Variants in USP10 observed in about 807,000 individuals in gnomAD.
USP10 encodes the protein ubiquitin specific peptidase 10, also known as ubiquitin carboxyl-terminal hydrolase 10.
In USP10, 22 loss-of-function variants were observed where a neutral mutation model predicts 84.5. That is an observed-to-expected ratio of 0.26 (90% CI 0.19 to 0.37). The LOEUF is 0.37. Among genes scored for constraint, USP10 ranks in the 10% least tolerant of loss-of-function variants. The pLI is 1.00. For missense variants in USP10, 1,019 were observed against 998.9 expected (o/e 1.02, Z -0.27); for synonymous variants, 454 against 387.6 (o/e 1.17, Z -2.01).
At chr16:84,750,259 T>C (rs2150832307) in intron 4 of USP10, among the ~76,000 whole-genome samples, 1 of 151,860 alleles carries the variant, frequency 6.6e-6, no homozygotes, top group South Asian at 2.1e-4. Context: ...AATAAAAAAA[T>C]TAGATGGACG....
chr16:84,713,200 T>C (rs73243927), intron 1 of USP10, among the ~76,000 whole-genome samples: 2,669 of 152,302 alleles, frequency 0.018, 82 homozygotes, highest in African/African-American at 0.061. Flanking sequence ...CCACTAGTTA[T>C]TTATTGAACT....
chr16:84,775,096 T>G, intron 12 of USP10, 64 bp from the exon 13 acceptor site: 1 of 1,443,244 alleles, frequency 6.9e-7, no homozygotes. Flanking sequence ...GTTAGCCATT[T>G]TCTGCTGCTG....
chr16:84,776,723 GCA>G (rs952766641), intron 13 of USP10, among the ~76,000 whole-genome samples: 3 of 152,208 alleles, frequency 2.0e-5, no homozygotes, highest in African/African-American at 2.4e-5. Flanking sequence ...CCCAGTGTGA[GCA>G]CACACACCCC....
intron 2 of USP10, among the ~76,000 whole-genome samples, chr16:84,736,175 C>T (rs1045548302): frequency 6.6e-6 from 1 of 152,228 alleles, no homozygotes; most frequent in Admixed American, 6.5e-5. Context: ...CTCAAACATG[C>T]AGTGTTTCTA....
intron 1 of USP10, among the ~76,000 whole-genome samples, chr16:84,706,631 C>T (rs1905556226): frequency 1.3e-5 from 2 of 151,658 alleles, no homozygotes; most frequent in South Asian, 2.1e-4. Flanking sequence ...AGCTCCGCCT[C>T]CCGGGTTCAC....
At chr16:84,703,928 A>C (rs1905184936) in intron 1 of USP10, among the ~76,000 whole-genome samples, 1 of 152,228 alleles carries the variant, frequency 6.6e-6, no homozygotes, top group Non-Finnish European at 1.5e-5. Context: ...CTAAAGCAAA[A>C]GTTAGGACAT....
chr16:84,773,985 C>T (rs546574469), intron 12 of USP10, among the ~76,000 whole-genome samples: 19 of 152,180 alleles, frequency 1.2e-4, no homozygotes, highest in Admixed American at 3.3e-4. Flanking sequence ...CGCAGTGGCT[C>T]ACACCTGTAA....
chr16:84,711,125 G>A (rs1284006269), intron 1 of USP10, among the ~76,000 whole-genome samples: 1 of 152,154 alleles, frequency 6.6e-6, no homozygotes, highest in East Asian at 1.9e-4. Flanking sequence ...CGTGTCTTCA[G>A]AACGAGATTT....
chr16:84,726,220 G>T (rs1361268414), intron 1 of USP10, among the ~76,000 whole-genome samples: 1 of 152,216 alleles, frequency 6.6e-6, no homozygotes, highest in Non-Finnish European at 1.5e-5. Flanking sequence ...GCCCCCTAGT[G>T]CCGTGCTGTA....
intron 1 of USP10, chr16:84,732,587 C>T: frequency 3.0e-6 from 1 of 330,818 alleles, no homozygotes; most frequent in South Asian, 2.2e-5. Context: ...GCCGGGACTA[C>T]AGGTACACGC....
intron 10 of USP10, among the ~76,000 whole-genome samples, chr16:84,764,833 A>G (rs1285601602): frequency 6.7e-6 from 1 of 148,370 alleles, no homozygotes; most frequent in African/African-American, 2.5e-5. Flanking sequence ...CTGTCTCAAG[A>G]AAAAAAAAAG....
At chr16:84,765,028 T>G (rs4782656) in intron 10 of USP10, among the ~76,000 whole-genome samples, 87,204 of 147,868 alleles carry the variant, frequency 0.59, 26,566 homozygotes, top group East Asian at 0.93. Context: ...TGAGCCAAGA[T>G]TACACCACTG....
chr16:84,732,543 T>C, intron 1 of USP10: 1 of 367,674 alleles, frequency 2.7e-6, no homozygotes, highest in Non-Finnish European at 5.3e-6. Context: ...GCCTCCCTGG[T>C]TCAAGCAATT....
intron 1 of USP10, among the ~76,000 whole-genome samples, chr16:84,718,994 G>A (rs1907428732): frequency 6.6e-6 from 1 of 151,868 alleles, no homozygotes. Flanking sequence ...GTTTCACTAT[G>A]TAGGTCAAGC....
rs141820521 is a variant in USP10, at chr16:84,775,880, T to C, written c.2209+655T>C. 6.0e-4 allele frequency among the ~76,000 whole-genome samples: 67 copies of C among 111,642 alleles called. 1 individual carries two copies. The East Asian group carries it at 0.018, about 29-fold the overall frequency. The allele number at this position is 111,642 out of a possible 152,430, so 73.2% of individuals were successfully genotyped here. A position where few individuals can be genotyped will look rare whatever the true frequency, so the allele number is the denominator to read the frequency against. Reference sequence around the variant, plus strand: ...CCCTTTTATCCTTCTTTCTCTTTTATAGCGTCATCTTTTATGCCTCTGAGT... The same window carrying C: ...CCCTTTTATCCTTCTTTCTCTTTTACAGCGTCATCTTTTATGCCTCTGAGT... On this transcript the variant is annotated intron_variant, in intron 13 of 13. Coordinates refer to ENST00000219473, the MANE Select transcript of USP10 (RefSeq NM_005153.3).
At chr16:84,726,705 C>T (rs753807337) in intron 1 of USP10, among the ~76,000 whole-genome samples, 3 of 152,128 alleles carry the variant, frequency 2.0e-5, no homozygotes, top group African/African-American at 7.2e-5. Flanking sequence ...GGATGGAGGC[C>T]GGATGGGATA....
intron 1 of USP10, chr16:84,709,130 T>C (rs1905936908): frequency 6.6e-6 from 1 of 152,228 alleles, no homozygotes; most frequent in South Asian, 2.1e-4. Context: ...AAACAGGCAT[T>C]GTTTCTCTCG....
At position 84,751,584 on chromosome 16, in the gene USP10, C is replaced by T. The variant is rs16974541; in HGVS notation, c.1192+5911C>T. Reference sequence around the variant, plus strand: ...ATTATACATCTTTCCACTTCAGAAACATAAGTTGATCTGTAGTCAATGGGT... The same window carrying T: ...ATTATACATCTTTCCACTTCAGAAATATAAGTTGATCTGTAGTCAATGGGT... On this transcript the variant is annotated intron_variant, in intron 4 of 13. Transcript: ENST00000219473. 9.7e-3 allele frequency among the ~76,000 whole-genome samples: 1,471 copies of T among 152,302 alleles called. 21 individuals are homozygous for T. The highest frequency in any genetic ancestry group is 0.034 in the African/African-American group (1,399 of 41,554).
chr16:84,746,463 C>G (rs78866288), intron 4 of USP10, among the ~76,000 whole-genome samples: 1 of 152,136 alleles, frequency 6.6e-6, no homozygotes, highest in African/African-American at 2.4e-5. Context: ...CTATTACTCC[C>G]GGGCTGCAAA....
Sources: gnomAD v4.1 joint callset for allele counts (sites outside exome capture counted in the v4.1 genomes callset) on GRCh38, gnomAD v4.1.1 for gene constraint, MANE v1.5 for transcripts, NCBI Gene and HGNC (gene_info 2026-07-23, HGNC 2026-07-21) for gene names.